GLCCI1: variants seen among roughly 807,000 people sequenced by gnomAD.
GLCCI1 encodes the protein glucocorticoid induced 1.
A neutral mutation model predicts 52.2 loss-of-function variants in GLCCI1; 24 were observed. That is an observed-to-expected ratio of 0.46 (90% CI 0.33 to 0.65). The LOEUF is 0.65. Among genes scored for constraint, GLCCI1 ranks in the 30% least tolerant of loss-of-function variants. The pLI, the probability that GLCCI1 is intolerant of heterozygous loss-of-function variation, is 0.02. For missense variants in GLCCI1, 704 were observed against 701.5 expected, an observed-to-expected ratio of 1.00 and a Z score of -0.04; for synonymous variants, 310 against 276.5, an observed-to-expected ratio of 1.12 and a Z score of -1.20.
At chr7:7,975,326 C>T (rs37976) in intron 1 of GLCCI1, among the ~76,000 whole-genome samples, 93,224 of 152,078 alleles carry the variant, frequency 0.61, 29,350 homozygotes, top group African/African-American at 0.77. Flanking sequence ...GTGAATGTTA[C>T]TAAGGCACAT....
At chr7:8,076,740 G>A (rs1782883777) in intron 6 of GLCCI1, among the ~76,000 whole-genome samples, 1 of 152,128 alleles carries the variant, frequency 6.6e-6, no homozygotes, top group Admixed American at 6.5e-5. Flanking sequence ...TTACCATGAT[G>A]TTAGCTCCAA....
At chr7:7,977,920 G>T (rs897054485) in intron 1 of GLCCI1, among the ~76,000 whole-genome samples, 3 of 152,168 alleles carry the variant, frequency 2.0e-5, no homozygotes, top group Non-Finnish European at 4.4e-5. Context: ...GCTGAAAGTT[G>T]TTGTTGGAAC....
In GLCCI1 at chr7:7,969,604, TCGCCGCTGCCGC is replaced by T. The variant is rs1583932087; in HGVS notation, c.259_270del (p.Ala87_Ala90del). 9.7e-7 allele frequency: 1 copy of T among 1,030,314 alleles called. No individual in the cohort carries two copies. Among genetic ancestry groups the T allele is most frequent in the Non-Finnish European group, 1.2e-6 (1 of 860,892 alleles). 63.8% of individuals were successfully genotyped at this position (1,030,314 alleles called of 1,614,324 possible). ...CAGCACAGTCCCACGCGTCCGCCCGTCGCCGCTGCCGCCGCCTCGCTGGGCAGCCTCCCGGGG... is the reference window on the plus strand; with the variant it reads ...CAGCACAGTCCCACGCGTCCGCCCGTCGCCTCGCTGGGCAGCCTCCCGGGG... On this transcript the variant is annotated inframe_deletion, in exon 1 of 8. Coordinates refer to ENST00000223145, the MANE Select transcript of GLCCI1 (RefSeq NM_138426.4). This position sits in a 1 kb window ranked among gnomAD's most constrained non-coding sequence, Gnocchi z 4.9.
chr7:8,057,170 C>T (rs918395516), intron 4 of GLCCI1, among the ~76,000 whole-genome samples: 1 of 152,000 alleles, frequency 6.6e-6, no homozygotes, highest in Admixed American at 6.6e-5. Context: ...ATATGCTGAC[C>T]GTTCAACCTA....
chr7:8,078,614 G>C (rs1477460342), intron 6 of GLCCI1: 1 of 152,182 alleles, frequency 6.6e-6, no homozygotes, highest in African/African-American at 2.4e-5. Context: ...CATGTCAGCA[G>C]ATTGTTTCAT....
rs80033499 is a variant in GLCCI1, at chr7:8,069,915, C to T, written c.967-1006C>T. On this transcript the variant is annotated intron_variant, in intron 5 of 7. Coordinates refer to ENST00000223145, the MANE Select transcript of GLCCI1 (RefSeq NM_138426.4). ...AAATTAACAGCATATTGGTTCTTTT[C>T]CCTAGCACTGCAGTCCTGTGTGTTT... Among the ~76,000 whole-genome samples the T allele has an allele frequency of 1.0e-2, 1,521 of 152,314 alleles. 32 individuals carry two copies. Among genetic ancestry groups the T allele is most frequent in the African/African-American group, 0.033 (1,380 of 41,556 alleles).
At chr7:8,008,925 A>T (rs1781207135) in intron 2 of GLCCI1, among the ~76,000 whole-genome samples, 1 of 152,016 alleles carries the variant, frequency 6.6e-6, no homozygotes, top group African/African-American at 2.4e-5. Flanking sequence ...TCTGTTTGAA[A>T]TTTTTATTAG....
rs75592675 is a variant in GLCCI1 at position 8,058,314 on chromosome 7, A to T, written c.814-1782A>T. ...TAGATGGGAAGATTCAGTATTTTTCAAATAGCAATTTACCTGAAATTAATG... is the reference window on the plus strand; with the variant it reads ...TAGATGGGAAGATTCAGTATTTTTCTAATAGCAATTTACCTGAAATTAATG... On this transcript the variant is annotated intron_variant, in intron 4 of 7. Coordinates refer to ENST00000223145, the MANE Select transcript of GLCCI1 (RefSeq NM_138426.4). 1.1e-3 allele frequency among the ~76,000 whole-genome samples: 171 copies of T among 152,302 alleles called. 3 individuals carry two copies. The East Asian group carries it at 0.032, about 28-fold the overall frequency.
At chr7:8,036,865 T>G (rs1781878968) in intron 3 of GLCCI1, among the ~76,000 whole-genome samples, 1 of 152,012 alleles carries the variant, frequency 6.6e-6, no homozygotes, top group Admixed American at 6.5e-5. Flanking sequence ...AACAGAATTT[T>G]GAAAAATAAA....
intron 2 of GLCCI1, among the ~76,000 whole-genome samples, chr7:8,011,513 T>C (rs1324233619): frequency 6.6e-6 from 1 of 152,192 alleles, no homozygotes; most frequent in Non-Finnish European, 1.5e-5. Context: ...CCATTAGATA[T>C]ACATACCACA....
Position 7,969,833 on chromosome 7 carries a change from C to A in GLCCI1, c.457+26C>A, listed in dbSNP as rs1345254365. 1.4e-6 allele frequency: 2 copies of A among 1,408,092 alleles called. No individual in the cohort carries two copies. The highest frequency in any genetic ancestry group is 1.9e-6 in the Non-Finnish European group (2 of 1,077,616). The allele number at this position is 1,408,092 out of a possible 1,614,324, so 87.2% of individuals were successfully genotyped here. A position where few individuals can be genotyped will look rare whatever the true frequency, so the allele number is the denominator to read the frequency against. Reference sequence around the variant, plus strand: ...GTAGCGAGCCCAACCCTCCCGTCCTCCCGGGCTGCGTCTCCCCGACGGTGC... The same window carrying A: ...GTAGCGAGCCCAACCCTCCCGTCCTACCGGGCTGCGTCTCCCCGACGGTGC... On this transcript the variant is annotated intron_variant, in intron 1 of 7. Transcript: ENST00000223145. This position sits in a 1 kb window ranked among gnomAD's most constrained non-coding sequence, Gnocchi z 4.9.
intron 1 of GLCCI1, among the ~76,000 whole-genome samples, chr7:7,993,879 A>G (rs914283808): frequency 2.6e-5 from 4 of 152,220 alleles, no homozygotes; most frequent in Admixed American, 1.3e-4. Flanking sequence ...TCAAACTATC[A>G]TAAGTCCAAA....
chr7:8,001,465 G>T (rs942243966), intron 1 of GLCCI1, among the ~76,000 whole-genome samples: 11 of 152,192 alleles, frequency 7.2e-5, no homozygotes, highest in Admixed American at 5.2e-4. Flanking sequence ...ACAGATGCTG[G>T]AGAGGATGTG....
rs57061451 is a variant in GLCCI1, at chr7:8,085,034, T to C, written c.1298+17T>C. The C allele has an allele frequency of 4.1e-3, 6,665 of 1,613,288 alleles. 207 individuals are homozygous for C. In the African/African-American group the frequency reaches 0.07, roughly 17 times the overall value. ...GGAAATGGCGTAAGTAATGTCTTTT[T>C]TGTCAGCTGGGATCTGCAAAGCTGT... On this transcript the variant is annotated intron_variant, in intron 7 of 7. Transcript: ENST00000223145.
chr7:8,062,386 T>G (rs1782538302), intron 5 of GLCCI1, among the ~76,000 whole-genome samples: 1 of 152,228 alleles, frequency 6.6e-6, no homozygotes, highest in South Asian at 2.1e-4. Flanking sequence ...GATAGATAAT[T>G]AAAAATTATC....
intron 5 of GLCCI1, chr7:8,070,275 G>A (rs1027531988): frequency 6.6e-6 from 1 of 152,178 alleles, no homozygotes; most frequent in Non-Finnish European, 1.5e-5. Context: ...GGAAGATTAT[G>A]AGTAGTCCTA....
chr7:7,998,185 T>TG (rs1780977550), intron 1 of GLCCI1, among the ~76,000 whole-genome samples: 3 of 149,770 alleles, frequency 2.0e-5, no homozygotes, highest in Non-Finnish European at 3.0e-5. Flanking sequence ...TGTTTTTTTT[T>TG]TTTTTTGTTG....
At chr7:8,026,828 CCT>C (rs1057166661) in intron 3 of GLCCI1, among the ~76,000 whole-genome samples, 2 of 152,168 alleles carry the variant, frequency 1.3e-5, no homozygotes, top group African/African-American at 4.8e-5. Context: ...ACAGACACCC[CCT>C]GTTTGCTGAG....
intron 1 of GLCCI1, among the ~76,000 whole-genome samples, chr7:7,986,611 A>G (rs770610956): frequency 3.3e-5 from 5 of 152,198 alleles, no homozygotes; most frequent in Non-Finnish European, 7.4e-5. Context: ...ATTTTACTCT[A>G]TATAATTGCA....
Sources: allele counts gnomAD v4.1 joint callset (sites outside exome capture counted in the v4.1 genomes callset), GRCh38; gene constraint gnomAD v4.1.1; non-coding constraint Gnocchi (gnomAD v3.1); transcripts MANE v1.5; gene names NCBI Gene and HGNC (gene_info 2026-07-23, HGNC 2026-07-21).